Variants in MGAT4C observed in about 807,000 individuals in gnomAD.
The protein encoded by MGAT4C is MGAT4 family member C.
A neutral mutation model predicts 40.1 loss-of-function variants in MGAT4C; 19 were observed. The ratio of observed to expected loss-of-function variants is 0.47; its 90% CI spans 0.33 to 0.70. The LOEUF (loss-of-function observed/expected upper bound fraction) is 0.70. Among genes scored for constraint, MGAT4C ranks in the 30% least tolerant of loss-of-function variants. The pLI, the probability that MGAT4C is intolerant of heterozygous loss-of-function variation, is 0.02. For synonymous variants in MGAT4C, 181 were observed against 187.1 expected, an observed-to-expected ratio of 0.97 and a Z score of 0.27; for missense variants, 491 against 563.2, an observed-to-expected ratio of 0.87 and a Z score of 1.30.
intron 1 of MGAT4C, among the ~76,000 whole-genome samples, chr12:86,154,902 T>C (rs61932276): frequency 0.079 from 11,974 of 152,168 alleles, 657 homozygotes; most frequent in Middle Eastern, 0.22. Flanking sequence ...GCTATGTCCA[T>C]GGAGCTCATA....
At chr12:86,580,488 A>T (rs1960738233) in intron 2 of MGAT4C, among the ~76,000 whole-genome samples, 1 of 151,444 alleles carries the variant, frequency 6.6e-6, no homozygotes. Flanking sequence ...TGCATGAAAA[A>T]ATGCCTGAAA....
intron 2 of MGAT4C, among the ~76,000 whole-genome samples, chr12:86,522,999 T>C (rs960194003): frequency 6.6e-6 from 1 of 152,114 alleles, no homozygotes; most frequent in Admixed American, 6.6e-5. Context: ...TTTTCTTCTT[T>C]ATTAGTCTAG....
intron 2 of MGAT4C, among the ~76,000 whole-genome samples, chr12:86,639,564 TATAAA>T (rs986630187): frequency 1.3e-5 from 2 of 151,742 alleles, no homozygotes; most frequent in African/African-American, 4.8e-5. Context: ...TATTTGATTT[TATAAA>T]ATAAAATATT....
intron 1 of MGAT4C, among the ~76,000 whole-genome samples, chr12:86,062,887 T>C (rs1001476739): frequency 3.3e-5 from 5 of 151,958 alleles, no homozygotes; most frequent in African/African-American, 1.2e-4. Context: ...AAAGACCAAA[T>C]CTACATTTGA....
At chr12:85,983,694 GA>G (rs769578174) in intron 3 of MGAT4C, 24 bp from the exon 4 acceptor site, 1 of 1,509,520 alleles carries the variant, frequency 6.6e-7, no homozygotes, top group Non-Finnish European at 8.9e-7. Context: ...AAGAAGCAAG[GA>G]AAATATATAA....
intron 2 of MGAT4C, among the ~76,000 whole-genome samples, chr12:86,596,690 A>T (rs1283206022): frequency 6.6e-6 from 1 of 152,136 alleles, no homozygotes; most frequent in Admixed American, 6.5e-5. Context: ...CCTTGGCTAT[A>T]TGGGTCCCAT....
At chr12:86,737,593 C>G (rs2136126552) in intron 1 of MGAT4C, among the ~76,000 whole-genome samples, 1 of 151,368 alleles carries the variant, frequency 6.6e-6, no homozygotes, top group African/African-American at 2.4e-5. Context: ...ATGTCTCCAG[C>G]TCCTAATACT....
intron 2 of MGAT4C, among the ~76,000 whole-genome samples, chr12:86,482,459 C>A (rs569373693): frequency 6.6e-6 from 1 of 151,798 alleles, no homozygotes; most frequent in East Asian, 1.9e-4. Context: ...TATATATACT[C>A]GGGATAAGGA....
chr12:86,356,581 C>T (rs970436329), intron 3 of MGAT4C, among the ~76,000 whole-genome samples: 1 of 152,144 alleles, frequency 6.6e-6, no homozygotes, highest in East Asian at 1.9e-4. Context: ...CCAAGGGTAG[C>T]CGTGACAGAT....
At chr12:86,173,742 T>G (rs188854530) in intron 1 of MGAT4C, among the ~76,000 whole-genome samples, 1 of 152,224 alleles carries the variant, frequency 6.6e-6, no homozygotes, top group African/African-American at 2.4e-5. Flanking sequence ...TGGGATAAAT[T>G]TTTTGTAAAT....
chr12:86,198,489 C>T (rs1177165255), intron 1 of MGAT4C, among the ~76,000 whole-genome samples: 3 of 152,014 alleles, frequency 2.0e-5, no homozygotes, highest in Non-Finnish European at 4.4e-5. Flanking sequence ...TTTTAATAAA[C>T]CTTATGATAT....
chr12:86,164,246 A>C (rs1181881474), intron 1 of MGAT4C, among the ~76,000 whole-genome samples: 1 of 152,222 alleles, frequency 6.6e-6, no homozygotes, highest in East Asian at 1.9e-4. Flanking sequence ...TCTGAAGTTT[A>C]ATCTATGGGC....
At chr12:86,257,552 G>C (rs865977411), upstream of MGAT4C, among the ~76,000 whole-genome samples, 76 of 152,316 alleles carry the variant, frequency 5.0e-4, no homozygotes, top group African/African-American at 1.6e-3. Context: ...GTCACCAACA[G>C]TGCACTTGCA....
intron 2 of MGAT4C, among the ~76,000 whole-genome samples, chr12:86,593,562 G>A (rs943953641): frequency 2.0e-5 from 3 of 152,044 alleles, no homozygotes; most frequent in Non-Finnish European, 4.4e-5. Flanking sequence ...ATTTTGGTAT[G>A]ATGTGACTTC....
At chr12:86,582,460 C>A (rs4508266) in intron 2 of MGAT4C, among the ~76,000 whole-genome samples, 126,860 of 151,120 alleles carry the variant, frequency 0.84, 53,794 homozygotes, top group East Asian at 0.96. Flanking sequence ...TGAATGAAAT[C>A]CAATTATGCC....
chr12:86,167,547 AG>A (rs1377170696), intron 1 of MGAT4C, among the ~76,000 whole-genome samples: 5 of 152,222 alleles, frequency 3.3e-5, no homozygotes, highest in African/African-American at 1.2e-4. Context: ...CTTGAGGCTG[AG>A]AAGTCCATGA....
At position 86,511,291 on chromosome 12, in the gene MGAT4C, A is replaced by G. The variant is rs557062111; in HGVS notation, c.-228-76026T>C. 7.2e-5 allele frequency among the ~76,000 whole-genome samples: 11 copies of G among 152,214 alleles called. No individual in the cohort carries two copies. The South Asian group carries it at 1.9e-3, about 26-fold the overall frequency. ...GAAATAAAGATGTTCTTTGAAACCA[A>G]CGAGAACAAAGACACAACATACCAG... On this transcript the variant is annotated intron_variant, in intron 2 of 7. Coordinates refer to the MGAT4C transcript ENST00000548651.
At chr12:86,497,047 A>T (rs1163248722) in intron 2 of MGAT4C, among the ~76,000 whole-genome samples, 1 of 152,044 alleles carries the variant, frequency 6.6e-6, no homozygotes, top group African/African-American at 2.4e-5. Context: ...TTAAACACAT[A>T]ATACATAGCT....
chr12:86,343,188 G>A (rs1325694703), intron 3 of MGAT4C, among the ~76,000 whole-genome samples: 4 of 152,080 alleles, frequency 2.6e-5, no homozygotes, highest in Non-Finnish European at 4.4e-5. Flanking sequence ...GAAGAGATGA[G>A]GGCAAAAGAA....
Sources: allele counts gnomAD v4.1 joint callset (sites outside exome capture counted in the v4.1 genomes callset), GRCh38; gene constraint gnomAD v4.1.1; transcripts MANE v1.5; gene names NCBI Gene and HGNC (gene_info 2026-07-23, HGNC 2026-07-21).